CC2D2B: variants seen among roughly 807,000 people sequenced by gnomAD.
The protein encoded by CC2D2B is protein CC2D2B.
A neutral mutation model predicts 161.2 loss-of-function variants in CC2D2B; 128 were observed. The ratio of observed to expected loss-of-function variants is 0.79; its 90% CI spans 0.69 to 0.92. The LOEUF (loss-of-function observed/expected upper bound fraction) is 0.92. Ranked by LOEUF, CC2D2B falls within the 40% of genes least tolerant of loss-of-function variation. The pLI is 0.00. For synonymous variants in CC2D2B, 391 were observed against 449.8 expected (o/e 0.87, Z 1.65); for missense variants, 1,173 against 1,375.1 (o/e 0.85, Z 2.32).
chr10:95,999,077 T>G (rs1032964865), intron 24 of CC2D2B, among the ~76,000 whole-genome samples: 1 of 151,962 alleles, frequency 6.6e-6, no homozygotes, highest in East Asian at 1.9e-4. Flanking sequence ...GGAGACTCCG[T>G]CTCAAAGAAA....
intron 12 of CC2D2B, 24 bp from the exon 13 acceptor site, chr10:95,965,872 A>G (rs1251699829): frequency 2.0e-6 from 2 of 992,122 alleles, no homozygotes; most frequent in African/African-American, 1.7e-5. Context: ...TCTGCTTTCA[A>G]TAATTCTGTT....
In CC2D2B at chr10:95,989,230, G is replaced by A. The variant is rs1377389854; in HGVS notation, c.2379+888G>A. ...AAGACCTGTTCTTACTACCCTGTGT[G>A]TCACTGGCAAGTAACCAAATCACTG... On this transcript the variant is annotated intron_variant, in intron 20 of 34. Transcript: ENST00000646931. Among the ~76,000 whole-genome samples the A allele has an allele frequency of 4.6e-5, 7 of 152,210 alleles. No homozygotes were observed. The East Asian group carries it at 1.3e-3, about 29-fold the overall frequency.
rs1220468562 is a variant in CC2D2B at position 95,968,752 on chromosome 10, C to CAGA, written c.1498_1500dup (p.Lys500dup). ...TGAACAAAAAAGAAGAGCCAAAATTCAGAAGCTCAAATACTTTATTAAAAT... is the reference window on the plus strand; with the variant it reads ...TGAACAAAAAAGAAGAGCCAAAATTCAGAAGAAGCTCAAATACTTTATTAAAAT... On this transcript the variant is annotated inframe_insertion, in exon 15 of 35. Coordinates refer to ENST00000646931, the MANE Select transcript of CC2D2B (RefSeq NM_001349008.3). The CAGA allele has an allele frequency of 5.4e-5, 66 of 1,214,050 alleles. No homozygotes were observed. The highest frequency in any genetic ancestry group is 6.7e-5 in the Non-Finnish European group (65 of 971,880). 75.2% of individuals were successfully genotyped at this position (1,214,050 alleles called of 1,614,324 possible). A position where few individuals can be genotyped will look rare whatever the true frequency, so the allele number is the denominator to read the frequency against.
At chr10:95,957,350 C>T (rs1378003046) in intron 11 of CC2D2B, among the ~76,000 whole-genome samples, 1 of 152,038 alleles carries the variant, frequency 6.6e-6, no homozygotes, top group Non-Finnish European at 1.5e-5. Context: ...GGCTGGTGCC[C>T]CTTCCCCTCC....
At chr10:95,964,906 G>A (rs906535674) in intron 12 of CC2D2B, among the ~76,000 whole-genome samples, 1 of 152,010 alleles carries the variant, frequency 6.6e-6, no homozygotes, top group African/African-American at 2.4e-5. Flanking sequence ...GGATGTTTTT[G>A]TCACCTCCTA....
intron 32 of CC2D2B, among the ~76,000 whole-genome samples, chr10:96,021,936 C>T (rs894875776): frequency 6.6e-6 from 1 of 152,158 alleles, no homozygotes; most frequent in African/African-American, 2.4e-5. Context: ...CTATGTTTGC[C>T]TGTATAGATT....
In CC2D2B at chr10:95,947,107, ATATATATTTTTTTTTTT is replaced by A. The variant is rs1309478911; in HGVS notation, c.802-2787_802-2771del. On this transcript the variant is annotated intron_variant, in intron 9 of 34. Coordinates refer to ENST00000646931, the MANE Select transcript of CC2D2B (RefSeq NM_001349008.3). ...AATATATATATATATATATATATAT[ATATATATTTTTTTTTTT>A]TTTTTTGAGACAAAGTATTGCTCTG... 6.2e-3 allele frequency among the ~76,000 whole-genome samples: 234 copies of A among 38,002 alleles called. 15 individuals are homozygous for A. The highest frequency in any genetic ancestry group is 0.038 in the African/African-American group (224 of 5,908). The allele number at this position is 38,002 out of a possible 152,430, so 24.9% of individuals were successfully genotyped here.
intron 4 of CC2D2B, 61 bp downstream of exon 4, chr10:95,924,451 A>G: frequency 6.4e-6 from 6 of 933,770 alleles, no homozygotes; most frequent in Non-Finnish European, 9.6e-6. Flanking sequence ...ATTTAACACA[A>G]TCAAGTTTTC....
In CC2D2B at chr10:96,019,315, A is replaced by C; in HGVS notation, c.3743A>C (p.Asp1248Ala). The C allele has an allele frequency of 3.1e-6, 5 of 1,610,132 alleles. No homozygotes were observed. The highest frequency in any genetic ancestry group is 4.2e-6 in the Non-Finnish European group (5 of 1,179,030). The change falls in exon 31 of 35, where the codon GAT (aspartate) becomes GCT (alanine). Residue 1248 changes from aspartate to alanine, a missense_variant. By Grantham distance (126) the Asp-to-Ala change is moderately radical. This residue lies in a region of CC2D2B where 598 missense variants were observed against 693.2 expected (regional missense o/e 0.86). Transcript: ENST00000646931. ...FDPFCPLKSV[D>A]CLFDDRNVWF... ...CCGTTTTGTCCCTTAAAAAGTGTAG[A>C]TTGTTTGTTTGATGATAGAAATGTA...
At chr10:96,031,689 C>T (rs1590963566) in intron 34 of CC2D2B, 131 bp from the exon 35 acceptor site, 1 of 777,600 alleles carries the variant, frequency 1.3e-6, no homozygotes, top group Non-Finnish European at 2.1e-6. Context: ...CATAATTTGG[C>T]ACCCACAGAC....
intron 11 of CC2D2B, among the ~76,000 whole-genome samples, chr10:95,958,240 C>T (rs2076643939): frequency 6.6e-6 from 1 of 152,116 alleles, no homozygotes; most frequent in South Asian, 2.1e-4. Flanking sequence ...GCCTGTAATC[C>T]CAGCACTTTG....
intron 10 of CC2D2B, chr10:95,950,404 T>C (rs919399365): frequency 5.2e-6 from 1 of 193,124 alleles, no homozygotes; most frequent in African/African-American, 2.3e-5. Context: ...GTTTTAAGTC[T>C]TATAATAAAG....
chr10:95,995,545 C>G (rs187938775), intron 23 of CC2D2B, among the ~76,000 whole-genome samples, 180 bp downstream of exon 23: 85 of 152,306 alleles, frequency 5.6e-4, no homozygotes, highest in Middle Eastern at 3.4e-3. Context: ...CTCTCAGGGT[C>G]TATATGATAA....
chr10:95,952,680 T>C (rs1330392216), intron 10 of CC2D2B, among the ~76,000 whole-genome samples: 4 of 152,150 alleles, frequency 2.6e-5, no homozygotes, highest in Admixed American at 2.6e-4. Flanking sequence ...CATGCCCAGC[T>C]GGTTTTCTGA....
At chr10:95,933,556 G>A (rs750421716) in intron 6 of CC2D2B, among the ~76,000 whole-genome samples, 2 of 152,108 alleles carry the variant, frequency 1.3e-5, no homozygotes, top group Non-Finnish European at 2.9e-5. Context: ...GTGACCTTTG[G>A]ATGGGGTTTC....
chr10:95,986,297 C>T (rs2077719627), intron 19 of CC2D2B, among the ~76,000 whole-genome samples: 2 of 151,370 alleles, frequency 1.3e-5, no homozygotes, highest in South Asian at 4.2e-4. Flanking sequence ...ATTTCTCAGA[C>T]CGGCCGACAC....
intron 17 of CC2D2B, among the ~76,000 whole-genome samples, chr10:95,981,197 T>C (rs988328322): frequency 1.3e-5 from 2 of 151,998 alleles, no homozygotes; most frequent in African/African-American, 4.8e-5. Context: ...ATTGAAACCA[T>C]CCTGGCCAAC....
chr10:95,937,462 C>T (rs957288983), intron 6 of CC2D2B, among the ~76,000 whole-genome samples: 1 of 151,692 alleles, frequency 6.6e-6, no homozygotes, highest in Non-Finnish European at 1.5e-5. Flanking sequence ...TTATATATAT[C>T]ATATATCAGA....
chr10:95,910,975 A>G (rs1300467912), intron 1 of CC2D2B, among the ~76,000 whole-genome samples: 1 of 151,788 alleles, frequency 6.6e-6, no homozygotes, highest in South Asian at 2.1e-4. Flanking sequence ...GCCAATTCCA[A>G]TTTTCTAATT....
Sources: allele counts gnomAD v4.1 joint callset (sites outside exome capture counted in the v4.1 genomes callset), GRCh38; gene constraint gnomAD v4.1.1; regional missense constraint gnomAD v4.1.1; transcripts MANE v1.5; gene names NCBI Gene and HGNC (gene_info 2026-07-23, HGNC 2026-07-21).